The following MAPK6 variants were observed in gnomAD, a reference collection of about 807,000 sequenced individuals.
MAPK6 encodes the protein ERK-3.
MAPK6 carries 19 observed loss-of-function variants against 59.3 expected under a neutral mutation model. The ratio of observed to expected loss-of-function variants is 0.32; its 90% CI spans 0.22 to 0.47. The LOEUF (loss-of-function observed/expected upper bound fraction) is 0.47, where lower values mean the gene tolerates loss of function less well. MAPK6 is among the 20% of genes least tolerant of loss of function. The pLI, the probability that MAPK6 is intolerant of heterozygous loss-of-function variation, is 1.00. For missense variants in MAPK6, 724 were observed against 847.9 expected (o/e 0.85, Z 1.81); for synonymous variants, 316 against 290.3 (o/e 1.09, Z -0.90).
At chr15:52,048,298 C>T (rs143295674) in intron 2 of MAPK6, among the ~76,000 whole-genome samples, 3,480 of 152,010 alleles carry the variant, frequency 0.023, 92 homozygotes, top group East Asian at 0.077. Flanking sequence ...TACAGGCGCC[C>T]GCCACCACGC....
At chr15:52,054,110 G>C (rs2031876912) in intron 3 of MAPK6, among the ~76,000 whole-genome samples, 2 of 151,900 alleles carry the variant, frequency 1.3e-5, no homozygotes, top group South Asian at 4.2e-4. Flanking sequence ...GCTCACACCT[G>C]TAATCCCAGC....
chr15:51,974,029 T>C (rs893815009), intron 1 of MAPK6, among the ~76,000 whole-genome samples: 1 of 151,908 alleles, frequency 6.6e-6, no homozygotes, highest in Non-Finnish European at 1.5e-5. Flanking sequence ...ATACATGAGA[T>C]TGGACTTAAG....
intron 2 of MAPK6, among the ~76,000 whole-genome samples, chr15:52,001,508 T>C (rs1640992539): frequency 1.2e-5 from 1 of 81,800 alleles, no homozygotes; most frequent in Admixed American, 1.6e-4. Flanking sequence ...CCTTTTCCTT[T>C]CTTTTTTTTT....
intron 4 of MAPK6, among the ~76,000 whole-genome samples, chr15:52,059,331 T>A (rs541640658): frequency 6.6e-6 from 1 of 152,342 alleles, no homozygotes; most frequent in Non-Finnish European, 1.5e-5. Flanking sequence ...AGACAGAGTC[T>A]TCCCTGGGCT....
chr15:52,055,139 G>A (rs935744747), intron 3 of MAPK6, among the ~76,000 whole-genome samples: 4 of 152,182 alleles, frequency 2.6e-5, no homozygotes, highest in African/African-American at 7.2e-5. Context: ...CAGGTGTGGT[G>A]GCTAATACAT....
At chr15:51,976,767 A>AC (rs1433950453) in intron 1 of MAPK6, among the ~76,000 whole-genome samples, 1 of 150,898 alleles carries the variant, frequency 6.6e-6, no homozygotes, top group Non-Finnish European at 1.5e-5. Flanking sequence ...AAATGGTGAA[A>AC]CCCCATCTCT....
At chr15:52,040,018 C>A (rs1595991624) in intron 1 of MAPK6, among the ~76,000 whole-genome samples, 1 of 152,144 alleles carries the variant, frequency 6.6e-6, no homozygotes, top group East Asian at 1.9e-4. Context: ...ATGTCCAAAT[C>A]CTGAAAGGGC....
chr15:52,017,100 T>C (rs546852374), upstream of MAPK6: 132 of 154,532 alleles, frequency 8.5e-4, no homozygotes, highest in Non-Finnish European at 1.6e-3. Context: ...CCCCAAATCT[T>C]GTAATTATTC....
chr15:52,062,539 C>G (rs980057650), intron 5 of MAPK6, among the ~76,000 whole-genome samples: 4 of 151,926 alleles, frequency 2.6e-5, no homozygotes, highest in African/African-American at 9.7e-5. Context: ...CTGAGGCAGG[C>G]CAATTACCTG....
intron 3 of MAPK6, among the ~76,000 whole-genome samples, chr15:52,054,213 C>A (rs1188766265): frequency 1.3e-5 from 2 of 151,672 alleles, no homozygotes; most frequent in African/African-American, 2.4e-5. Flanking sequence ...ACTAAAAATA[C>A]AAAAATTAGC....
intron 2 of MAPK6, among the ~76,000 whole-genome samples, chr15:51,994,024 G>A (rs949697744): frequency 3.9e-5 from 6 of 151,964 alleles, no homozygotes; most frequent in African/African-American, 9.7e-5. Context: ...GCAATGGCAC[G>A]ATCTTGGCTC....
At chr15:51,972,664 T>TA (rs1044134958) in intron 1 of MAPK6, among the ~76,000 whole-genome samples, 4 of 146,422 alleles carry the variant, frequency 2.7e-5, no homozygotes, top group Admixed American at 1.4e-4. Flanking sequence ...TCTACTAAAA[T>TA]AAAAAAAATT....
At chr15:52,027,337 G>C (rs969801212) in intron 1 of MAPK6, among the ~76,000 whole-genome samples, 44 of 43,346 alleles carry the variant, frequency 1.0e-3, no homozygotes, top group African/African-American at 3.7e-3. Flanking sequence ...GTGACAGAGC[G>C]AGACTCCCTC....
rs775538878 is a variant in MAPK6 at position 52,064,994 on chromosome 15, G to T, written c.2160G>T (p.Leu720=). ...HQTYSSILKH[L]N is the part of the protein sequence containing the mutation. ...CATACAGCAGCATTCTGAAACATCT[G>T]AACTAAAACACTCAGCAGACATTTA... Residue 720 remains leucine, a synonymous_variant, in exon 6 of 6, where the codon CTG becomes CTT. Coordinates refer to ENST00000261845, the MANE Select transcript of MAPK6 (RefSeq NM_002748.4). 8.1e-6 allele frequency: 13 copies of T among 1,599,554 alleles called. No homozygotes were observed. The highest frequency in any genetic ancestry group is 1.1e-5 in the Non-Finnish European group (13 of 1,170,764).
At chr15:52,058,570 ATGTT>A in intron 3 of MAPK6, 59 bp from the exon 4 acceptor site, 1 of 1,338,872 alleles carries the variant, frequency 7.5e-7, no homozygotes, top group East Asian at 2.6e-5. Flanking sequence ...TTAGTTTAGT[ATGTT>A]TATTGTGAAA....
upstream of MAPK6, among the ~76,000 whole-genome samples, chr15:52,016,107 C>CACACACACACACACACACACACACAAA (rs1267339787): frequency 2.9e-4 from 39 of 136,192 alleles, no homozygotes; most frequent in Non-Finnish European, 5.0e-4. Context: ...CACACACACA[C>CACACACACACACACACACACACACAAA]AAACTAAAAC....
At chr15:52,050,166 C>G (rs1448189964) in intron 3 of MAPK6, 29 bp downstream of exon 3, 1 of 1,578,136 alleles carries the variant, frequency 6.3e-7, no homozygotes, top group African/African-American at 1.4e-5. Flanking sequence ...GAAAAATTTT[C>G]CCAAAGAGAA....
intron 3 of MAPK6, among the ~76,000 whole-genome samples, chr15:52,057,523 A>G (rs72732975): frequency 4.0e-5 from 6 of 150,278 alleles, no homozygotes; most frequent in Admixed American, 6.7e-5. Context: ...TGACTTCCTT[A>G]ATTTTCCACT....
rs1325565987 is a variant in MAPK6, at chr15:51,975,580, C to CA, written c.-880+3679dup. Among the ~76,000 whole-genome samples the CA allele has an allele frequency of 2.0e-5, 3 of 151,640 alleles. No individual in the cohort carries two copies. In the East Asian group the frequency reaches 5.8e-4, roughly 29 times the overall value. On this transcript the variant is annotated intron_variant, in intron 1 of 7. Transcript: ENST00000691380. ...AAATATATACTTACACCAAATCACA[C>CA]AAAAAGGAATATATGTTTTTAAATT...
Sources: allele counts gnomAD v4.1 joint callset (sites outside exome capture counted in the v4.1 genomes callset), GRCh38; gene constraint gnomAD v4.1.1; transcripts MANE v1.5; gene names NCBI Gene and HGNC (gene_info 2026-07-23, HGNC 2026-07-21).